Variants in GPD1L observed in about 807,000 individuals in gnomAD.
GPD1L encodes the protein glycerol-3-phosphate dehydrogenase 1-like protein.
A neutral mutation model predicts 32.9 loss-of-function variants in GPD1L; 17 were observed. The observed-to-expected ratio is 0.52, with a 90% confidence interval of 0.35 to 0.78. GPD1L has a LOEUF of 0.78. GPD1L is among the 30% of genes least tolerant of loss of function. GPD1L has a pLI of 0.01. For synonymous variants in GPD1L, 187 were observed against 165.9 expected, an observed-to-expected ratio of 1.13 and a Z score of -0.98; for missense variants, 361 against 447.8, an observed-to-expected ratio of 0.81 and a Z score of 1.75.
At chr3:32,131,221 C>T (rs767321969) in intron 2 of GPD1L, among the ~76,000 whole-genome samples, 100 of 152,050 alleles carry the variant, frequency 6.6e-4, no homozygotes, top group Non-Finnish European at 1.3e-3. Flanking sequence ...ATATAGTTGC[C>T]GTTGCCTCTC....
At chr3:32,132,741 T>C (rs1700604230) in intron 2 of GPD1L, among the ~76,000 whole-genome samples, 1 of 152,108 alleles carries the variant, frequency 6.6e-6, no homozygotes, top group African/African-American at 2.4e-5. Context: ...TCCCAGGTAA[T>C]GGGGATGCTG....
intron 1 of GPD1L, among the ~76,000 whole-genome samples, chr3:32,123,103 A>G (rs58578389): frequency 0.078 from 11,899 of 151,910 alleles, 1,292 homozygotes; most frequent in African/African-American, 0.24. Flanking sequence ...GGATCTCAGT[A>G]TGTTGCCCAA....
intron 1 of GPD1L, among the ~76,000 whole-genome samples, chr3:32,125,058 T>G (rs1700487410): frequency 6.6e-6 from 1 of 152,188 alleles, no homozygotes; most frequent in African/African-American, 2.4e-5. Flanking sequence ...AAATTATATA[T>G]AGAGAACAAA....
chr3:32,120,177 G>T (rs1700389523), intron 1 of GPD1L, among the ~76,000 whole-genome samples: 6 of 152,126 alleles, frequency 3.9e-5, no homozygotes, highest in Admixed American at 3.9e-4. Flanking sequence ...ATTTAGTTGG[G>T]TGTGGTGGCG....
intron 1 of GPD1L, among the ~76,000 whole-genome samples, chr3:32,121,499 TTC>T (rs66480448): frequency 8.8e-5 from 11 of 125,148 alleles, no homozygotes; most frequent in Admixed American, 3.3e-4. Flanking sequence ...CTATATATAT[TTC>T]TCTCTATATA....
rs955796854 is a variant in GPD1L, at chr3:32,158,528, G to A, written c.619-348G>A. ...GTGTACTTTTCTGTATGAATGTTAT[G>A]GTTGCATAAAGCATTCCATTTAAAA... is the stretch of plus-strand genomic sequence containing the variant. On this transcript the variant is annotated intron_variant, in intron 5 of 7. Coordinates refer to ENST00000282541, the MANE Select transcript of GPD1L (RefSeq NM_015141.4). 2.0e-5 allele frequency: 8 copies of A among 402,298 alleles called. No homozygotes were observed. In the East Asian group the frequency reaches 3.8e-4, roughly 19 times the overall value. The allele number at this position is 402,298 out of a possible 1,614,324, so 24.9% of individuals were successfully genotyped here.
At chr3:32,121,521 C>CTCTA (rs1700413369) in intron 1 of GPD1L, among the ~76,000 whole-genome samples, 4 of 37,160 alleles carry the variant, frequency 1.1e-4, no homozygotes, top group African/African-American at 2.8e-4. Context: ...ATATTTCTCT[C>CTCTA]TATATATATT....
intron 1 of GPD1L, among the ~76,000 whole-genome samples, chr3:32,119,971 A>C (rs1700385757): frequency 6.6e-6 from 1 of 152,186 alleles, no homozygotes; most frequent in South Asian, 2.1e-4. Context: ...TGTCAACCTA[A>C]AATAATCAAA....
At position 32,138,688 on chromosome 3, in the gene GPD1L, G is replaced by A. The variant is rs746721040; in HGVS notation, c.327G>A (p.Gly109=). 2 of 1,614,082 alleles carry A rather than the reference G, an allele frequency of 1.2e-6. No homozygotes were observed. Among genetic ancestry groups the A allele is most frequent in the Admixed American group, 1.7e-5 (1 of 60,010 alleles). The change falls in exon 3 of 8, where the codon GGG becomes GGA. Residue 109 remains glycine (G), a synonymous_variant. Transcript: ENST00000282541. ...FIHRICDEIT[G]RVPKKALGIT... is the part of the protein sequence containing the mutation. ...ACAGAATCTGTGATGAGATCACTGG[G>A]AGAGTGCCCAAGAAAGCGCTGGGAA... is the stretch of plus-strand genomic sequence containing the variant.
chr3:32,109,658 G>A (rs923127624), intron 1 of GPD1L, among the ~76,000 whole-genome samples: 4 of 152,210 alleles, frequency 2.6e-5, no homozygotes, highest in African/African-American at 9.6e-5. Flanking sequence ...GAGGGATTCA[G>A]GAACTCAGAA....
intron 2 of GPD1L, among the ~76,000 whole-genome samples, chr3:32,133,212 A>C (rs1166072685): frequency 6.6e-6 from 1 of 152,210 alleles, no homozygotes; most frequent in Non-Finnish European, 1.5e-5. Context: ...CACCATTCTC[A>C]TTAGGAACCA....
Position 32,144,204 on chromosome 3 carries a change from G to A in GPD1L, c.506-2418G>A, listed in dbSNP as rs539055263. 4.6e-5 allele frequency among the ~76,000 whole-genome samples: 7 copies of A among 152,264 alleles called. No homozygotes were observed. The South Asian group carries it at 6.2e-4, about 14-fold the overall frequency. ...ATGCATAGGGACTATTTTAAATTGC[G>A]GTAGGTTCAGGAATCGTGGCCCACT... is the stretch of plus-strand genomic sequence containing the variant. On this transcript the variant is annotated intron_variant, in intron 4 of 7. Transcript: ENST00000282541.
Position 32,106,966 on chromosome 3 carries a change from G to A in GPD1L, c.47+208G>A. ...CTCGGGAGGCGCTGGGCTCGCGTGC[G>A]TGCGGGGGACAGCGCGGAGAGAGGG... On this transcript the variant is annotated intron_variant, in intron 1 of 7. Transcript: ENST00000282541. This position sits in a 1 kb window ranked among gnomAD's most constrained non-coding sequence, Gnocchi z 4.0. The A allele has an allele frequency of 2.3e-6, 1 of 431,316 alleles. No homozygotes were observed. Among genetic ancestry groups the A allele is most frequent in the East Asian group, 3.8e-5 (1 of 26,458 alleles). 26.7% of individuals were successfully genotyped at this position (431,316 alleles called of 1,614,324 possible).
chr3:32,109,036 A>G (rs2125465762), intron 1 of GPD1L, among the ~76,000 whole-genome samples: 1 of 152,276 alleles, frequency 6.6e-6, no homozygotes, highest in African/African-American at 2.4e-5. Context: ...TTCTTAGTAG[A>G]GACGGGGTTT....
At chr3:32,158,583 A>G (rs1701026677) in intron 5 of GPD1L, 1 of 559,376 alleles carries the variant, frequency 1.8e-6, no homozygotes, top group East Asian at 3.1e-5. Context: ...GTTTGTCCAA[A>G]CATTATTTAA....
At chr3:32,160,851 T>G (rs1274975100) in intron 7 of GPD1L, among the ~76,000 whole-genome samples, 1 of 152,194 alleles carries the variant, frequency 6.6e-6, no homozygotes, top group African/African-American at 2.4e-5. Flanking sequence ...TTACTGAGCA[T>G]GATTGTGGAG....
rs181030359 is a variant in GPD1L at position 32,151,099 on chromosome 3, A to T, written c.618+4365A>T. The T allele has an allele frequency of 7.0e-5, 30 of 429,380 alleles. No homozygotes were observed. In the Admixed American group the frequency reaches 7.9e-4, roughly 11 times the overall value. The allele number at this position is 429,380 out of a possible 1,614,324, so 26.6% of individuals were successfully genotyped here. ...TCACACCTATTATGCATGAATTCAT[A>T]GAGAATAAGTCCCAGCAGCTCAGGC... On this transcript the variant is annotated intron_variant, in intron 5 of 7. Coordinates refer to ENST00000282541, the MANE Select transcript of GPD1L (RefSeq NM_015141.4).
chr3:32,129,346 C>G (rs564707343), intron 2 of GPD1L, among the ~76,000 whole-genome samples: 1 of 152,314 alleles, frequency 6.6e-6, no homozygotes, highest in South Asian at 2.1e-4. Flanking sequence ...CCTCAAGGAA[C>G]TGAGCGGGGG....
intron 7 of GPD1L, among the ~76,000 whole-genome samples, chr3:32,160,165 A>AGGACG (rs1009776616): frequency 1.4e-5 from 2 of 139,686 alleles, no homozygotes; most frequent in Non-Finnish European, 3.1e-5. Flanking sequence ...GATGGGGCTT[A>AGGACG]GGATGGGATG....
Sources: allele counts gnomAD v4.1 joint callset (sites outside exome capture counted in the v4.1 genomes callset), GRCh38; gene constraint gnomAD v4.1.1; non-coding constraint Gnocchi (gnomAD v3.1); transcripts MANE v1.5; gene names NCBI Gene and HGNC (gene_info 2026-07-23, HGNC 2026-07-21).